Variants in CLSTN2 observed in about 807,000 individuals in gnomAD.
CLSTN2 encodes calsyntenin 2, also known as calsyntenin-2.
Under a neutral mutation model 101.2 loss-of-function variants are expected in CLSTN2, and 48 were observed. The ratio of observed to expected loss-of-function variants is 0.47; its 90% CI spans 0.38 to 0.60. The LOEUF (loss-of-function observed/expected upper bound fraction) is 0.60, where lower values mean the gene tolerates loss of function less well. Ranked by LOEUF, CLSTN2 falls within the 20% of genes least tolerant of loss-of-function variation. CLSTN2 has a pLI of 0.00. For synonymous variants in CLSTN2, 481 were observed against 463.6 expected (o/e 1.04, Z -0.48); for missense variants, 1,160 against 1,238.2 (o/e 0.94, Z 0.95).
At chr3:140,477,895 A>G (rs972086446) in intron 8 of CLSTN2, among the ~76,000 whole-genome samples, 1 of 152,212 alleles carries the variant, frequency 6.6e-6, no homozygotes, top group African/African-American at 2.4e-5. Flanking sequence ...AGAAGAATAA[A>G]ACACACTGTG....
At chr3:140,128,064 A>C (rs1055579434) in intron 1 of CLSTN2, among the ~76,000 whole-genome samples, 1 of 152,206 alleles carries the variant, frequency 6.6e-6, no homozygotes, top group Non-Finnish European at 1.5e-5. Context: ...AGGGGTTCTT[A>C]ACCTGTGGTT....
chr3:140,364,992 C>T (rs1399432872), intron 2 of CLSTN2, among the ~76,000 whole-genome samples: 5 of 152,118 alleles, frequency 3.3e-5, no homozygotes, highest in Non-Finnish European at 7.4e-5. Flanking sequence ...AGCCCAGGTG[C>T]TGAGGGATAA....
chr3:140,239,347 C>A (rs2086440657), intron 2 of CLSTN2, among the ~76,000 whole-genome samples: 1 of 152,160 alleles, frequency 6.6e-6, no homozygotes, highest in African/African-American at 2.4e-5. Flanking sequence ...GCTGTGATAT[C>A]AATTGTCATT....
At chr3:140,456,454 A>C (rs1056404756) in intron 6 of CLSTN2, among the ~76,000 whole-genome samples, 2 of 152,238 alleles carry the variant, frequency 1.3e-5, no homozygotes, top group African/African-American at 4.8e-5. Flanking sequence ...TTCTGTGCCC[A>C]GTAAGGGTTC....
intron 1 of CLSTN2, among the ~76,000 whole-genome samples, chr3:140,029,114 T>G (rs16849709): frequency 0.07 from 10,729 of 152,214 alleles, 436 homozygotes; most frequent in East Asian, 0.16. Flanking sequence ...CTGATGTGCC[T>G]TCTTAAAATT....
chr3:140,522,239 T>A (rs899390619), intron 8 of CLSTN2, among the ~76,000 whole-genome samples: 11 of 152,238 alleles, frequency 7.2e-5, no homozygotes, highest in Non-Finnish European at 1.3e-4. Flanking sequence ...TGTGAGAGTC[T>A]GGATATTTCA....
chr3:140,254,861 G>A (rs2107878425), intron 2 of CLSTN2, among the ~76,000 whole-genome samples: 1 of 152,194 alleles, frequency 6.6e-6, no homozygotes, highest in South Asian at 2.1e-4. Context: ...CACAGCACAA[G>A]TAAACAGACA....
chr3:140,030,967 A>C (rs925476414), intron 1 of CLSTN2, among the ~76,000 whole-genome samples: 1 of 152,176 alleles, frequency 6.6e-6, no homozygotes, highest in African/African-American at 2.4e-5. Flanking sequence ...TCCCTTGTTT[A>C]TGTCAGCCCT....
At chr3:140,207,055 T>A (rs573442057) in intron 2 of CLSTN2, among the ~76,000 whole-genome samples, 2 of 152,216 alleles carry the variant, frequency 1.3e-5, no homozygotes, top group African/African-American at 4.8e-5. Context: ...CCAGAGCCTA[T>A]GGGGATGTCA....
intron 1 of CLSTN2, among the ~76,000 whole-genome samples, chr3:139,983,469 G>A (rs181884716): frequency 6.6e-6 from 1 of 151,980 alleles, no homozygotes; most frequent in African/African-American, 2.4e-5. Flanking sequence ...TCACTCCAAG[G>A]CCTTGAAATC....
At chr3:140,392,214 A>AT (rs2088122162) in intron 2 of CLSTN2, among the ~76,000 whole-genome samples, 1 of 150,906 alleles carries the variant, frequency 6.6e-6, no homozygotes, top group South Asian at 2.1e-4. Flanking sequence ...TAGTAGCCAC[A>AT]TTTAAAAAAA....
intron 2 of CLSTN2, among the ~76,000 whole-genome samples, chr3:140,396,185 A>G (rs1468526431): frequency 6.6e-6 from 1 of 152,212 alleles, no homozygotes; most frequent in African/African-American, 2.4e-5. Context: ...AAAACAGTCA[A>G]ACAAAACATC....
chr3:140,229,284 A>G (rs1420474031), intron 2 of CLSTN2, among the ~76,000 whole-genome samples: 1 of 152,214 alleles, frequency 6.6e-6, no homozygotes, highest in Non-Finnish European at 1.5e-5. Context: ...TAAGGCATTC[A>G]GCCAAACTGA....
At chr3:140,359,174 C>G (rs2087702778) in intron 2 of CLSTN2, among the ~76,000 whole-genome samples, 1 of 151,842 alleles carries the variant, frequency 6.6e-6, no homozygotes. Context: ...TTCTGCCTCC[C>G]ACTTGAGACC....
At chr3:140,457,161 G>T (rs114561564) in intron 6 of CLSTN2, among the ~76,000 whole-genome samples, 5,378 of 152,300 alleles carry the variant, frequency 0.035, 131 homozygotes, top group Non-Finnish European at 0.055. Context: ...CCACATGGTG[G>T]CAAAGCTGGC....
At chr3:139,980,344 C>T (rs1367951726) in intron 1 of CLSTN2, among the ~76,000 whole-genome samples, 1 of 152,196 alleles carries the variant, frequency 6.6e-6, no homozygotes, top group South Asian at 2.1e-4. Flanking sequence ...ACTTGCCGTT[C>T]CCTGATGGAC....
chr3:139,993,138 C>T (rs912799546), intron 1 of CLSTN2, among the ~76,000 whole-genome samples: 20 of 152,228 alleles, frequency 1.3e-4, no homozygotes, highest in Middle Eastern at 3.4e-3. Flanking sequence ...GAATGCTGGA[C>T]ACAGGCCCTC....
rs902661933 is a variant in CLSTN2, at chr3:140,427,065, A to G, written c.787+5791A>G. Reference sequence around the variant, plus strand: ...GTGGTGCATGCCTGCAATCCCAGCTACTTGGGAGGCTGATGCAGGAGAATC... The same window carrying G: ...GTGGTGCATGCCTGCAATCCCAGCTGCTTGGGAGGCTGATGCAGGAGAATC... On this transcript the variant is annotated intron_variant, in intron 5 of 16. Transcript: ENST00000458420. 7.6e-5 allele frequency among the ~76,000 whole-genome samples: 11 copies of G among 144,014 alleles called. 1 individual carries two copies. Among genetic ancestry groups the G allele is most frequent in the African/African-American group, 2.0e-4 (7 of 34,432 alleles). The allele number at this position is 144,014 out of a possible 152,430, so 94.5% of individuals were successfully genotyped here. A position where few individuals can be genotyped will look rare whatever the true frequency, so the allele number is the denominator to read the frequency against.
At chr3:140,199,751 C>A (rs74325282) in intron 2 of CLSTN2, among the ~76,000 whole-genome samples, 100 of 152,272 alleles carry the variant, frequency 6.6e-4, no homozygotes, top group African/African-American at 2.3e-3. Context: ...CTAATAAGCA[C>A]CCCAGTTGAA....
Sources: allele counts gnomAD v4.1 joint callset (sites outside exome capture counted in the v4.1 genomes callset), GRCh38; gene constraint gnomAD v4.1.1; transcripts MANE v1.5; gene names NCBI Gene and HGNC (gene_info 2026-07-23, HGNC 2026-07-21).